ARHGEF26: variants seen among roughly 807,000 people sequenced by gnomAD.
ARHGEF26 encodes Rho guanine nucleotide exchange factor (GEF) 26.
A neutral mutation model predicts 89.4 loss-of-function variants in ARHGEF26; 59 were observed. The observed-to-expected ratio is 0.66, with a 90% CI of 0.54 to 0.82. ARHGEF26 has a LOEUF of 0.82. Ranked by LOEUF, ARHGEF26 falls within the 40% of genes least tolerant of loss-of-function variation. The pLI, the probability that ARHGEF26 is intolerant of heterozygous loss-of-function variation, is 0.00. For synonymous variants in ARHGEF26, 500 were observed against 428.4 expected (o/e 1.17, Z -2.06); for missense variants, 1,234 against 1,085.6 (o/e 1.14, Z -1.92).
At chr3:154,184,059 A>G (rs1199094633) in intron 6 of ARHGEF26, among the ~76,000 whole-genome samples, 1 of 146,758 alleles carries the variant, frequency 6.8e-6, no homozygotes, top group African/African-American at 2.5e-5. Flanking sequence ...TGCAAGCTCC[A>G]CCTCCTGGGT....
chr3:154,207,089 T>C (rs1425510736), intron 9 of ARHGEF26, among the ~76,000 whole-genome samples: 1 of 152,180 alleles, frequency 6.6e-6, no homozygotes, highest in Non-Finnish European at 1.5e-5. Context: ...ATTCCTTTCT[T>C]ATACCATATA....
rs752904270 is a variant in ARHGEF26, at chr3:154,123,033, G to C, written c.1041G>C (p.Val347=). 23 of 1,613,980 alleles carry C rather than the reference G, an allele frequency of 1.4e-5. No homozygotes were observed. Among genetic ancestry groups the C allele is most frequent in the Non-Finnish European group, 1.9e-5 (22 of 1,179,880 alleles). ...NRMSQPVLKV[V]MEDKEKFSSL... Reference sequence around the variant, plus strand: ...TGTCCCAGCCTGTTCTGAAAGTGGTGATGGAAGACAAGGAGAAGTTTTCCA... The same window carrying C: ...TGTCCCAGCCTGTTCTGAAAGTGGTCATGGAAGACAAGGAGAAGTTTTCCA... Residue 347 remains valine (V), a synonymous_variant, in exon 2 of 15, where the codon GTG becomes GTC. Coordinates refer to ENST00000465093, the MANE Select transcript of ARHGEF26 (RefSeq NM_015595.4).
rs1410355824 is a variant in ARHGEF26, at chr3:154,124,441, A to T, written c.1115A>T (p.Asp372Val). The T allele has an allele frequency of 2.7e-6, 4 of 1,482,304 alleles. No homozygotes were observed. Among genetic ancestry groups the T allele is most frequent in the Non-Finnish European group, 3.6e-6 (4 of 1,122,318 alleles). The allele number at this position is 1,482,304 out of a possible 1,614,324, so 91.8% of individuals were successfully genotyped here. The change falls in exon 3 of 15, where the codon GAT becomes GTT. Residue 372 changes from aspartate (D) to valine (V), a missense_variant. By Grantham distance (152) the Asp-to-Val change is radical. Coordinates refer to ENST00000465093, the MANE Select transcript of ARHGEF26 (RefSeq NM_015595.4). ...ATGCTGAAAGGACAAGGAACATTTG[A>T]TGGGGAAGGTAAGCATTTAATTTTC... is the stretch of plus-strand genomic sequence containing the variant. ...KKMLKGQGTFDGEENAVLYQN... is the reference protein window; with the variant it reads ...KKMLKGQGTFVGEENAVLYQN...
intron 11 of ARHGEF26, among the ~76,000 whole-genome samples, chr3:154,235,011 C>CT (rs1475422352): frequency 6.6e-6 from 1 of 151,908 alleles, no homozygotes; most frequent in Non-Finnish European, 1.5e-5. Flanking sequence ...ATCCGCCCGC[C>CT]TTGGCCTCCC....
At chr3:154,140,290 G>T (rs1165413581) in intron 4 of ARHGEF26, among the ~76,000 whole-genome samples, 1 of 152,188 alleles carries the variant, frequency 6.6e-6, no homozygotes, top group African/African-American at 2.4e-5. Flanking sequence ...ATGCCACGAG[G>T]GTAAGTACAA....
chr3:154,125,881 G>C (rs547272738), intron 3 of ARHGEF26, among the ~76,000 whole-genome samples: 1 of 152,204 alleles, frequency 6.6e-6, no homozygotes, highest in East Asian at 1.9e-4. Context: ...TAAATGGTGA[G>C]AATCTGTGAT....
At chr3:154,192,034 C>T (rs184774034) in intron 8 of ARHGEF26, among the ~76,000 whole-genome samples, 2 of 152,260 alleles carry the variant, frequency 1.3e-5, no homozygotes, top group Non-Finnish European at 1.5e-5. Flanking sequence ...CCTAGTAGTA[C>T]GTGCAGCTGG....
In ARHGEF26 at chr3:154,149,417, T is replaced by C; in HGVS notation, c.1298T>C (p.Val433Ala). The C allele has an allele frequency of 3.7e-6, 6 of 1,608,690 alleles. No individual in the cohort carries two copies. Among genetic ancestry groups the C allele is most frequent in the Non-Finnish European group, 5.1e-6 (6 of 1,177,260 alleles). The change falls in exon 5 of 15, where the codon GTA becomes GCA. Residue 433 changes from valine (V) to alanine (A), a missense_variant. By Grantham distance (64) the Val-to-Ala change is moderately conservative (BLOSUM62 0). Transcript: ENST00000465093. ...AAAAGAAAGGGATTATCTCAGACAG[T>C]AAGCCAGGAGGAAAGAAAGAGACAA... is the stretch of plus-strand genomic sequence containing the variant. ...AVKRKGLSQT[V>A]SQEERKRQEA...
At position 154,161,594 on chromosome 3, in the gene ARHGEF26, G is replaced by A. The variant is rs776153152; in HGVS notation, c.1487+8662G>A. ...CTTTTGTAAATATATGCCTCTGCCA[G>A]CATTGGTCTAGGACTAAATTAAAGA... On this transcript the variant is annotated intron_variant, in intron 6 of 14. Transcript: ENST00000465093. Among the ~76,000 whole-genome samples the A allele has an allele frequency of 1.7e-4, 26 of 152,264 alleles. No homozygotes were observed. In the Middle Eastern group the frequency reaches 0.01, roughly 60 times the overall value.
chr3:154,225,936 C>T lies in ARHGEF26; in HGVS notation c.2016C>T (p.Phe672=). 6.2e-7 allele frequency: 1 copy of T among 1,613,268 alleles called. No individual in the cohort carries two copies. Among genetic ancestry groups the T allele is most frequent in the Non-Finnish European group, 8.5e-7 (1 of 1,179,536 alleles). The change falls in exon 11 of 15, where the codon TTC becomes TTT. Residue 672 remains phenylalanine, a synonymous_variant. Coordinates refer to ENST00000465093, the MANE Select transcript of ARHGEF26 (RefSeq NM_015595.4). ...CCTATGTTGAAGACACTGTGCTTTT[C>T]TCAAGAAGGACATCCAAACAGCAAG... The part of the protein sequence containing the change: ...LTAYVEDTVL[F]SRRTSKQQVY...
intron 11 of ARHGEF26, among the ~76,000 whole-genome samples, chr3:154,231,712 C>T (rs1049114929): frequency 1.6e-4 from 24 of 152,132 alleles, no homozygotes; most frequent in African/African-American, 4.8e-4. Context: ...AGGTACGGCA[C>T]GCTCTAGGAC....
chr3:154,144,429 T>A (rs1283278922), intron 4 of ARHGEF26, among the ~76,000 whole-genome samples: 2 of 152,188 alleles, frequency 1.3e-5, no homozygotes. Context: ...TAATGGTAGT[T>A]TGAGAAATAA....
intron 4 of ARHGEF26, among the ~76,000 whole-genome samples, chr3:154,133,165 C>T (rs907104846): frequency 2.6e-5 from 4 of 152,078 alleles, no homozygotes; most frequent in East Asian, 1.9e-4. Context: ...ATGGTTGTTA[C>T]GTAAGATCTT....
intron 3 of ARHGEF26, among the ~76,000 whole-genome samples, chr3:154,125,196 TAAAG>T (rs1437313359): frequency 6.6e-6 from 1 of 152,124 alleles, no homozygotes; most frequent in East Asian, 1.9e-4. Context: ...CAAAGAATAA[TAAAG>T]AAGGGAGTGC....
intron 6 of ARHGEF26, among the ~76,000 whole-genome samples, chr3:154,161,097 G>GGGTGTGTGTGT (rs1374302431): frequency 4.7e-5 from 1 of 21,114 alleles, no homozygotes; most frequent in African/African-American, 3.2e-4. Context: ...CTGGTAGCCA[G>GGGTGTGTGTGT]GTTTGTGTGT....
At position 154,122,953 on chromosome 3, in the gene ARHGEF26, G is replaced by A; in HGVS notation, c.961G>A (p.Val321Met). ...GCGGTCCACGTCTTATCGCAGGGCA[G>A]TGGTCAGTGGCTTTGATTTTGACAG... ...GLRSTSYRRAVVSGFDFDSPT... is the reference protein window; with the variant it reads ...GLRSTSYRRAMVSGFDFDSPT... Residue 321 changes from valine to methionine, a missense_variant, in exon 2 of 15, where the codon GTG becomes ATG. Physicochemically the swap from Val to Met is conservative, Grantham distance 21. Coordinates refer to ENST00000465093, the MANE Select transcript of ARHGEF26 (RefSeq NM_015595.4). The A allele has an allele frequency of 6.2e-7, 1 of 1,613,778 alleles. No individual in the cohort carries two copies. Among genetic ancestry groups the A allele is most frequent in the Non-Finnish European group, 8.5e-7 (1 of 1,179,808 alleles).
intron 8 of ARHGEF26, among the ~76,000 whole-genome samples, chr3:154,193,130 A>G (rs1443470815): frequency 6.6e-6 from 1 of 152,206 alleles, no homozygotes; most frequent in Non-Finnish European, 1.5e-5. Context: ...TTTACATAAA[A>G]TATCAATATA....
intron 2 of ARHGEF26, 97 bp from the exon 3 acceptor site, chr3:154,124,313 A>G (rs757792953): frequency 8.4e-6 from 7 of 831,024 alleles, no homozygotes; most frequent in Non-Finnish European, 1.3e-5. Flanking sequence ...AAAAAAAAGT[A>G]TTTTTACTTA....
chr3:154,249,410 T>C (rs180876636), intron 12 of ARHGEF26, among the ~76,000 whole-genome samples: 11 of 152,364 alleles, frequency 7.2e-5, no homozygotes, highest in Admixed American at 2.6e-4. Flanking sequence ...TAGGAAACTG[T>C]AGAAACATCA....
Sources: gnomAD v4.1 joint callset for allele counts (sites outside exome capture counted in the v4.1 genomes callset) on GRCh38, gnomAD v4.1.1 for gene constraint, MANE v1.5 for transcripts, NCBI Gene and HGNC (gene_info 2026-07-23, HGNC 2026-07-21) for gene names.